The following GPC6 variants were observed in gnomAD, a reference collection of about 807,000 sequenced individuals.
The protein encoded by GPC6 is glypican-6.
In GPC6, 14 loss-of-function variants were observed where a neutral mutation model predicts 55.2. The ratio of observed to expected loss-of-function variants is 0.25; its 90% CI spans 0.17 to 0.40. The LOEUF is 0.40. GPC6 is among the 10% of genes least tolerant of loss of function. The probability of loss-of-function intolerance (pLI) is 1.00; values close to 1 mark genes in which losing one functional copy is unlikely to be tolerated. For synonymous variants in GPC6, 278 were observed against 259.6 expected (o/e 1.07, Z -0.68); for missense variants, 641 against 708.5 (o/e 0.90, Z 1.08).
chr13:93,602,755 A>G (rs1878072031), intron 2 of GPC6, among the ~76,000 whole-genome samples: 1 of 152,230 alleles, frequency 6.6e-6, no homozygotes, highest in African/African-American at 2.4e-5. Flanking sequence ...TTTAAATGCT[A>G]TAACTTAGTA....
intron 2 of GPC6, among the ~76,000 whole-genome samples, chr13:93,589,965 G>A (rs1877387241): frequency 2.0e-5 from 3 of 152,298 alleles, no homozygotes; most frequent in African/African-American, 7.2e-5. Flanking sequence ...ATGGAATCTT[G>A]CTGTTACTAA....
chr13:93,327,049 A>G (rs1273774817), intron 1 of GPC6, among the ~76,000 whole-genome samples: 1 of 152,220 alleles, frequency 6.6e-6, no homozygotes, highest in Non-Finnish European at 1.5e-5. Flanking sequence ...TTTAGAAAAG[A>G]AAAAAAGGAT....
At chr13:93,305,321 C>T (rs2139100105) in intron 1 of GPC6, among the ~76,000 whole-genome samples, 1 of 152,158 alleles carries the variant, frequency 6.6e-6, no homozygotes, top group African/African-American at 2.4e-5. Context: ...GAGCAGCCTG[C>T]TTTGAGGAGC....
At chr13:93,789,132 AG>A (rs34414330) in intron 2 of GPC6, among the ~76,000 whole-genome samples, 45,614 of 151,908 alleles carry the variant, frequency 0.3, 6,989 homozygotes, top group African/African-American at 0.33. Context: ...TACCATATGC[AG>A]GGGATGACAC....
Position 94,193,358 on chromosome 13 carries a change from T to C in GPC6, c.878-92991T>C, listed in dbSNP as rs190058955. On this transcript the variant is annotated intron_variant, in intron 4 of 8. Transcript: ENST00000377047. ...AAAATGTAGTATTTCCTTTGCAAGC[T>C]GGTGAGGCTGTAATTTTCAAATGCC... is the stretch of plus-strand genomic sequence containing the variant. Among the ~76,000 whole-genome samples the C allele has an allele frequency of 4.8e-3, 732 of 152,214 alleles. 4 individuals are homozygous for C. The highest frequency in any genetic ancestry group is 7.6e-3 in the Non-Finnish European group (516 of 68,012).
intron 2 of GPC6, among the ~76,000 whole-genome samples, chr13:93,630,730 T>C (rs1319655199): frequency 1.3e-5 from 2 of 152,158 alleles, no homozygotes; most frequent in Non-Finnish European, 2.9e-5. Context: ...ATAAATAAAA[T>C]ACAGTATACT....
intron 4 of GPC6, among the ~76,000 whole-genome samples, chr13:94,168,572 G>A (rs561817452): frequency 5.9e-5 from 9 of 151,530 alleles, no homozygotes; most frequent in African/African-American, 2.2e-4. Flanking sequence ...ATGGGCCCTG[G>A]GCACTTTTGC....
intron 4 of GPC6, among the ~76,000 whole-genome samples, chr13:94,076,108 T>C (rs759404333): frequency 3.3e-5 from 5 of 151,496 alleles, no homozygotes; most frequent in African/African-American, 9.7e-5. Flanking sequence ...TTTCTCCACA[T>C]CCTACCCAAC....
At chr13:93,456,482 C>A (rs1878457800) in intron 1 of GPC6, among the ~76,000 whole-genome samples, 1 of 151,844 alleles carries the variant, frequency 6.6e-6, no homozygotes, top group Admixed American at 6.6e-5. Flanking sequence ...ATTAGTTGTT[C>A]CCTCCTCTCC....
chr13:93,230,696 C>T (rs1164636002), intron 1 of GPC6, among the ~76,000 whole-genome samples: 3 of 152,100 alleles, frequency 2.0e-5, no homozygotes, highest in Non-Finnish European at 2.9e-5. Flanking sequence ...AGGAGAGTTA[C>T]TCTCATCAAA....
chr13:93,269,654 G>T (rs953732450), intron 1 of GPC6, among the ~76,000 whole-genome samples: 32 of 151,704 alleles, frequency 2.1e-4, no homozygotes, highest in Non-Finnish European at 4.0e-4. Flanking sequence ...GGCCGGACAC[G>T]GTGGCTCACG....
chr13:93,452,627 G>T (rs1878273225), intron 1 of GPC6, among the ~76,000 whole-genome samples: 1 of 152,192 alleles, frequency 6.6e-6, no homozygotes, highest in African/African-American at 2.4e-5. Flanking sequence ...AAATGTAGTG[G>T]CACTTTGGCC....
At chr13:93,855,568 T>C (rs1241222547) in intron 3 of GPC6, among the ~76,000 whole-genome samples, 1 of 151,594 alleles carries the variant, frequency 6.6e-6, no homozygotes, top group African/African-American at 2.4e-5. Context: ...CAGGATAGTA[T>C]TTATAGTTTT....
At chr13:94,347,259 C>T (rs556079510) in intron 6 of GPC6, among the ~76,000 whole-genome samples, 1 of 151,588 alleles carries the variant, frequency 6.6e-6, no homozygotes, top group African/African-American at 2.4e-5. Flanking sequence ...TTCTCATACC[C>T]AAAATGGTCT....
At chr13:94,315,302 C>A (rs1876466410) in intron 6 of GPC6, among the ~76,000 whole-genome samples, 1 of 152,172 alleles carries the variant, frequency 6.6e-6, no homozygotes. Context: ...TATAAACAGT[C>A]CCCAAAATGG....
chr13:93,830,366 C>T lies in GPC6; in HGVS notation c.532C>T (p.Pro178Ser), dbSNP rs1049220733. ...GGAACGGATGTTTCAGCTGATAAAC[C>T]CTCAGTATCACTTCAGTGAAGACTA... is the stretch of plus-strand genomic sequence containing the variant. ...LLERMFQLIN[P>S]QYHFSEDYLE... The change falls in exon 3 of 9, where the codon CCT becomes TCT. Residue 178 changes from proline (P) to serine (S), a missense_variant. Transcript: ENST00000377047. 6.2e-7 allele frequency: 1 copy of T among 1,613,554 alleles called. No homozygotes were observed. The highest frequency in any genetic ancestry group is 1.3e-5 in the African/African-American group (1 of 74,806).
At chr13:93,685,315 C>G (rs879141276) in intron 2 of GPC6, among the ~76,000 whole-genome samples, 1 of 152,138 alleles carries the variant, frequency 6.6e-6, no homozygotes, top group East Asian at 1.9e-4. Context: ...TCAAGTCTCA[C>G]GCTTTGTGAG....
intron 3 of GPC6, among the ~76,000 whole-genome samples, chr13:93,922,998 T>C (rs1024220658): frequency 2.6e-5 from 4 of 152,204 alleles, no homozygotes; most frequent in Non-Finnish European, 4.4e-5. Context: ...TGGGGACTGG[T>C]GAACAATTCA....
chr13:94,301,885 C>A (rs1875670449), intron 5 of GPC6, among the ~76,000 whole-genome samples: 1 of 152,190 alleles, frequency 6.6e-6, no homozygotes, highest in Non-Finnish European at 1.5e-5. Flanking sequence ...ATTATTATTT[C>A]TCAATTGTTT....
Sources: allele counts gnomAD v4.1 joint callset (sites outside exome capture counted in the v4.1 genomes callset), GRCh38; gene constraint gnomAD v4.1.1; transcripts MANE v1.5; gene names NCBI Gene and HGNC (gene_info 2026-07-23, HGNC 2026-07-21).